The following PTCHD4 variants were observed in gnomAD, a reference collection of about 807,000 sequenced individuals.
The protein encoded by PTCHD4 is patched domain-containing protein 4.
Under a neutral mutation model 58.1 loss-of-function variants are expected in PTCHD4, and 33 were observed. That is an observed-to-expected ratio of 0.57 (90% CI 0.43 to 0.76). The LOEUF is 0.76. PTCHD4 is among the 30% of genes least tolerant of loss of function. The probability of loss-of-function intolerance (pLI) is 0.00; values close to 1 mark genes in which losing one functional copy is unlikely to be tolerated. For synonymous variants in PTCHD4, 478 were observed against 409.6 expected, an observed-to-expected ratio of 1.17 and a Z score of -2.02; for missense variants, 1,058 against 1,027.1, an observed-to-expected ratio of 1.03 and a Z score of -0.41.
intron 4 of PTCHD4, among the ~76,000 whole-genome samples, chr6:47,979,782 A>C (rs1372693575): frequency 1.3e-5 from 2 of 152,052 alleles, no homozygotes. Context: ...AGAGGAGAAT[A>C]CTATCCTTAG....
chr6:47,896,676 G>A (rs961932067), intron 4 of PTCHD4, among the ~76,000 whole-genome samples: 8 of 152,180 alleles, frequency 5.3e-5, no homozygotes, highest in Non-Finnish European at 8.8e-5. Context: ...TATTGATAAA[G>A]TAGGATAGGT....
At chr6:48,006,403 T>A (rs1031004817) in intron 4 of PTCHD4, among the ~76,000 whole-genome samples, 1 of 152,198 alleles carries the variant, frequency 6.6e-6, no homozygotes, top group Non-Finnish European at 1.5e-5. Context: ...TAATTGTATG[T>A]TTTTCTGGTA....
chr6:47,872,257 TTCG>T lies in PTCHD4; in HGVS notation c.*6043_*6045del, dbSNP rs1298218262. Among the ~76,000 whole-genome samples, 1 of 151,680 alleles carries T rather than the reference TTCG, an allele frequency of 6.6e-6. No individual in the cohort carries two copies. Among genetic ancestry groups the T allele is most frequent in the African/African-American group, 2.4e-5 (1 of 41,378 alleles). On this transcript the variant is annotated 3_prime_UTR_variant, in exon 5 of 5. Transcript: ENST00000339488. Reference sequence around the variant, plus strand: ...CATTTTTATTAAACACCAGTAATCTTTCGTCCATGAGAGTGTTTCCTAGTTATT... The same window carrying T: ...CATTTTTATTAAACACCAGTAATCTTTCCATGAGAGTGTTTCCTAGTTATT...
intron 4 of PTCHD4, among the ~76,000 whole-genome samples, chr6:47,998,322 A>T (rs1309139911): frequency 6.6e-6 from 1 of 152,168 alleles, no homozygotes; most frequent in Non-Finnish European, 1.5e-5. Context: ...TAGCTATTCA[A>T]TCCTGATTCA....
At chr6:47,990,177 C>T (rs1443311759) in intron 4 of PTCHD4, among the ~76,000 whole-genome samples, 1 of 152,108 alleles carries the variant, frequency 6.6e-6, no homozygotes, top group East Asian at 1.9e-4. Flanking sequence ...TACCTGTAGC[C>T]CCATTGTATC....
At chr6:48,015,010 G>T (rs1263705221) in intron 3 of PTCHD4, among the ~76,000 whole-genome samples, 1 of 152,144 alleles carries the variant, frequency 6.6e-6, no homozygotes, top group Non-Finnish European at 1.5e-5. Context: ...CAACTGCCTA[G>T]CAATGACTCA....
intron 4 of PTCHD4, among the ~76,000 whole-genome samples, chr6:47,955,854 A>G (rs1766838021): frequency 6.6e-6 from 1 of 152,214 alleles, no homozygotes; most frequent in South Asian, 2.1e-4. Flanking sequence ...CCTGGATTTG[A>G]GGGCAGGAGG....
intron 4 of PTCHD4, among the ~76,000 whole-genome samples, chr6:47,926,772 C>T (rs1268049801): frequency 2.6e-5 from 4 of 152,176 alleles, no homozygotes; most frequent in Non-Finnish European, 4.4e-5. Flanking sequence ...GTTTTCTGAT[C>T]TGTAATGTGA....
chr6:48,042,894 C>A (rs1176466729), intron 3 of PTCHD4, among the ~76,000 whole-genome samples: 1 of 151,910 alleles, frequency 6.6e-6, no homozygotes, highest in Admixed American at 6.6e-5. Flanking sequence ...CTCCCATTGC[C>A]TTAATTTTTA....
intron 3 of PTCHD4, among the ~76,000 whole-genome samples, chr6:48,017,331 A>C (rs1762901308): frequency 6.6e-6 from 1 of 152,214 alleles, no homozygotes; most frequent in Admixed American, 6.5e-5. Context: ...GTCATTCTCA[A>C]AATGAAGACT....
intron 4 of PTCHD4, among the ~76,000 whole-genome samples, chr6:47,981,558 T>A (rs1332399189): frequency 1.3e-5 from 2 of 152,176 alleles, no homozygotes; most frequent in African/African-American, 4.8e-5. Flanking sequence ...AAATCTGATC[T>A]TTTGGTAGAA....
chr6:47,999,262 G>C (rs1768622477), intron 4 of PTCHD4, among the ~76,000 whole-genome samples: 1 of 152,204 alleles, frequency 6.6e-6, no homozygotes, highest in Non-Finnish European at 1.5e-5. Context: ...TGGACTCCAA[G>C]TCGTCTGACT....
At chr6:47,931,666 G>A (rs924772527) in intron 4 of PTCHD4, among the ~76,000 whole-genome samples, 8 of 152,036 alleles carry the variant, frequency 5.3e-5, no homozygotes, top group Non-Finnish European at 1.0e-4. Flanking sequence ...TAAATATGAA[G>A]AAGCAAGTTT....
chr6:48,107,606 T>C (rs1166870378), intron 1 of PTCHD4, among the ~76,000 whole-genome samples: 2 of 152,086 alleles, frequency 1.3e-5, no homozygotes, highest in African/African-American at 4.8e-5. Context: ...AAATGGGATC[T>C]AATTAAACTA....
chr6:47,898,308 CTG>C (rs1487961183), intron 4 of PTCHD4, among the ~76,000 whole-genome samples: 1 of 152,114 alleles, frequency 6.6e-6, no homozygotes, highest in Non-Finnish European at 1.5e-5. Context: ...TATCATAATC[CTG>C]TCTCTAAAAT....
Position 47,875,359 on chromosome 6 carries a change from A to C in PTCHD4, c.*2944T>G, listed in dbSNP as rs1763821068. On this transcript the variant is annotated 3_prime_UTR_variant, in exon 5 of 5. Transcript: ENST00000339488. Reference sequence around the variant, plus strand: ...CCTGCAAGTCATGATCTCATATCTTAGGATGTATCTTAGTATTCAGGAAAT... The same window carrying C: ...CCTGCAAGTCATGATCTCATATCTTCGGATGTATCTTAGTATTCAGGAAAT... Among the ~76,000 whole-genome samples the C allele has an allele frequency of 6.6e-6, 1 of 151,876 alleles. No homozygotes were observed. The highest frequency in any genetic ancestry group is 2.4e-5 in the African/African-American group (1 of 41,418).
chr6:47,973,055 A>G (rs1767574845), intron 4 of PTCHD4, among the ~76,000 whole-genome samples: 1 of 151,978 alleles, frequency 6.6e-6, no homozygotes, highest in Non-Finnish European at 1.5e-5. Flanking sequence ...TTTTTTCTTC[A>G]TGTACACATC....
chr6:48,047,717 C>T (rs1348532307), intron 3 of PTCHD4, among the ~76,000 whole-genome samples: 1 of 151,680 alleles, frequency 6.6e-6, no homozygotes, highest in African/African-American at 2.4e-5. Context: ...TTAAAGAGCC[C>T]CAGAAGGCTC....
chr6:48,022,259 T>C (rs2114113476), intron 3 of PTCHD4, among the ~76,000 whole-genome samples: 1 of 151,710 alleles, frequency 6.6e-6, no homozygotes, highest in Non-Finnish European at 1.5e-5. Context: ...CTCTCATCTC[T>C]CTCCTTCCTT....
Sources: allele counts gnomAD v4.1 joint callset (sites outside exome capture counted in the v4.1 genomes callset), GRCh38; gene constraint gnomAD v4.1.1; transcripts MANE v1.5; gene names NCBI Gene and HGNC (gene_info 2026-07-23, HGNC 2026-07-21).